Variants in HYCC1 observed in about 807,000 individuals in gnomAD.
The protein encoded by HYCC1 is hyccin.
At chr7:22,907,720 G>A in the HYCC1 span, among the ~76,000 whole-genome samples, 1 of 152,030 alleles carries the variant, frequency 6.6e-6, no homozygotes, top group African/African-American at 2.4e-5. Flanking sequence ...GACCAGCCTG[G>A]CCAACATGGT....
chr7:22,920,466 T>C, the HYCC1 span, among the ~76,000 whole-genome samples: 1 of 151,954 alleles, frequency 6.6e-6, no homozygotes, highest in East Asian at 1.9e-4. Flanking sequence ...TAGAATAACA[T>C]ATGCAAAATG....
At chr7:22,988,944 G>C in the HYCC1 span, among the ~76,000 whole-genome samples, 1 of 151,904 alleles carries the variant, frequency 6.6e-6, no homozygotes, top group South Asian at 2.1e-4. Context: ...CTCACTCCTC[G>C]GTACTGCACT....
the HYCC1 span, among the ~76,000 whole-genome samples, chr7:22,980,552 T>C: frequency 6.6e-6 from 1 of 152,194 alleles, no homozygotes; most frequent in African/African-American, 2.4e-5. Flanking sequence ...CTCAAAAATG[T>C]TCTTTAATGA....
the HYCC1 span, among the ~76,000 whole-genome samples, chr7:23,011,471 G>A: frequency 6.6e-6 from 1 of 152,062 alleles, no homozygotes; most frequent in African/African-American, 2.4e-5. Flanking sequence ...TCACAGTCCT[G>A]AGTCCTCCTT....
chr7:22,916,436 A>C, the HYCC1 span, among the ~76,000 whole-genome samples: 3 of 152,126 alleles, frequency 2.0e-5, no homozygotes, highest in Non-Finnish European at 4.4e-5. Flanking sequence ...CTGCTCCCAC[A>C]ATAGCTCTCC....
the HYCC1 span, among the ~76,000 whole-genome samples, chr7:22,926,460 T>A: frequency 1.3e-5 from 2 of 152,090 alleles, no homozygotes; most frequent in Non-Finnish European, 2.9e-5. Flanking sequence ...GAGACACATA[T>A]AGGCTCAAAA....
chr7:22,981,305 T>C, the HYCC1 span, among the ~76,000 whole-genome samples: 1 of 152,202 alleles, frequency 6.6e-6, no homozygotes. Context: ...AATGAAAAAG[T>C]ACTATTAGTG....
chr7:22,946,040 C>T, the HYCC1 span: 1 of 1,613,688 alleles, frequency 6.2e-7, no homozygotes, highest in Non-Finnish European at 8.5e-7. Context: ...TGGCTTGTTA[C>T]TACAATTGTG....
the HYCC1 span, among the ~76,000 whole-genome samples, chr7:22,954,997 CTT>C: frequency 6.6e-6 from 1 of 151,336 alleles, no homozygotes; most frequent in Non-Finnish European, 1.5e-5. Flanking sequence ...TTTATATTAA[CTT>C]GGGATTGAAA....
At chr7:22,959,530 T>C in the HYCC1 span, among the ~76,000 whole-genome samples, 1 of 152,088 alleles carries the variant, frequency 6.6e-6, no homozygotes, top group Non-Finnish European at 1.5e-5. Flanking sequence ...CTGAGGAAGG[T>C]GATAATTTCC....
At chr7:22,945,808 T>TA in the HYCC1 span, 1 of 1,613,788 alleles carries the variant, frequency 6.2e-7, no homozygotes, top group Non-Finnish European at 8.5e-7. Context: ...ATTTACTAAA[T>TA]ACAGTCGCTG....
chr7:22,916,413 A>C, the HYCC1 span, among the ~76,000 whole-genome samples: 7 of 152,068 alleles, frequency 4.6e-5, no homozygotes, highest in Non-Finnish European at 1.5e-5. Context: ...TCCTTAAAAA[A>C]CAGCCCTAAA....
the HYCC1 span, among the ~76,000 whole-genome samples, chr7:23,005,831 A>C: frequency 6.6e-6 from 1 of 152,054 alleles, no homozygotes; most frequent in Admixed American, 6.5e-5. Flanking sequence ...TTCTCCAACA[A>C]TCTATTTGAT....
the HYCC1 span, chr7:22,978,273 T>C: frequency 6.2e-7 from 1 of 1,614,022 alleles, no homozygotes; most frequent in South Asian, 1.1e-5. Flanking sequence ...ACAAACCAAA[T>C]TGTAAACCCC....
At chr7:22,926,369 T>C in the HYCC1 span, among the ~76,000 whole-genome samples, 1 of 152,124 alleles carries the variant, frequency 6.6e-6, no homozygotes, top group Non-Finnish European at 1.5e-5. Flanking sequence ...AATGCTCCAA[T>C]TAAAAGGCAC....
At chr7:22,984,014 G>A in the HYCC1 span, 4 of 1,604,448 alleles carry the variant, frequency 2.5e-6, no homozygotes, top group Non-Finnish European at 2.6e-6. Flanking sequence ...CAAATTTGTG[G>A]CATAATTTGG....
At chr7:22,935,180 CTTG>C in the HYCC1 span, 2 of 152,196 alleles carry the variant, frequency 1.3e-5, no homozygotes, top group African/African-American at 4.8e-5. Flanking sequence ...CCCAAAGCTG[CTTG>C]TTGTTCTCAA....
chr7:22,927,992 C>T, the HYCC1 span, among the ~76,000 whole-genome samples: 1 of 152,214 alleles, frequency 6.6e-6, no homozygotes, highest in Admixed American at 6.5e-5. Context: ...CCACCATGAT[C>T]AAGTGGGCTT....
the HYCC1 span, among the ~76,000 whole-genome samples, chr7:22,990,610 G>T: frequency 6.6e-6 from 1 of 152,268 alleles, no homozygotes; most frequent in East Asian, 1.9e-4. Context: ...ACTAATCAAA[G>T]GTCATACACC....
Sources: allele counts gnomAD v4.1 joint callset (sites outside exome capture counted in the v4.1 genomes callset), GRCh38; gene constraint gnomAD v4.1.1; transcripts MANE v1.5; gene names NCBI Gene and HGNC (gene_info 2026-07-23, HGNC 2026-07-21).